The following ENOX1 variants were observed in gnomAD, a reference collection of about 807,000 sequenced individuals.
The protein encoded by ENOX1 is ecto-NOX disulfide-thiol exchanger 1.
In ENOX1, 42 loss-of-function variants were observed where a neutral mutation model predicts 82.5. The ratio of observed to expected loss-of-function variants is 0.51; its 90% confidence interval spans 0.40 to 0.66. The LOEUF is 0.66. ENOX1 is among the 30% of genes least tolerant of loss of function. ENOX1 has a pLI of 0.00. For missense variants in ENOX1, 608 were observed against 811.6 expected (o/e 0.75, Z 3.05); for synonymous variants, 271 against 282.2 (o/e 0.96, Z 0.40).
intron 2 of ENOX1, among the ~76,000 whole-genome samples, chr13:43,620,319 T>G (rs756106865): frequency 6.6e-6 from 1 of 152,122 alleles, no homozygotes; most frequent in Non-Finnish European, 1.5e-5. Flanking sequence ...GTTTCTCTAG[T>G]TCCTTAAAGT....
intron 2 of ENOX1, among the ~76,000 whole-genome samples, chr13:43,581,322 C>T (rs372863865): frequency 6.6e-6 from 1 of 150,728 alleles, no homozygotes; most frequent in Non-Finnish European, 1.5e-5. Flanking sequence ...TTAGTAGAGA[C>T]GGGGTTTCAC....
At chr13:43,743,206 A>C (rs1470802012) in intron 1 of ENOX1, among the ~76,000 whole-genome samples, 1 of 152,192 alleles carries the variant, frequency 6.6e-6, no homozygotes, top group African/African-American at 2.4e-5. Flanking sequence ...TCACAGAAGG[A>C]GACCTTGATA....
intron 2 of ENOX1, among the ~76,000 whole-genome samples, chr13:43,623,153 C>T (rs961235048): frequency 2.6e-5 from 4 of 152,100 alleles, no homozygotes; most frequent in Non-Finnish European, 4.4e-5. Context: ...GAGAGCAATA[C>T]GAGTCTGAAA....
chr13:43,216,928 A>C (rs2041519331), intron 16 of ENOX1, among the ~76,000 whole-genome samples: 1 of 152,248 alleles, frequency 6.6e-6, no homozygotes, highest in Non-Finnish European at 1.5e-5. Flanking sequence ...TACAATCACC[A>C]GGAAACTTTT....
intron 11 of ENOX1, chr13:43,321,194 G>A: frequency 2.2e-6 from 1 of 455,402 alleles, no homozygotes; most frequent in Non-Finnish European, 4.4e-6. Context: ...TTCCTATAGG[G>A]CTTAAATCAC....
At chr13:43,367,538 G>A (rs886975502) in intron 5 of ENOX1, among the ~76,000 whole-genome samples, 4 of 152,068 alleles carry the variant, frequency 2.6e-5, no homozygotes, top group East Asian at 1.9e-4. Flanking sequence ...CAGGATAGCC[G>A]GCAAACACCA....
In ENOX1 at chr13:43,785,406, G is replaced by A. The variant is rs1414435587; in HGVS notation, c.-285+1246C>T. On this transcript the variant is annotated intron_variant, in intron 1 of 16. Transcript: ENST00000690772. The stretch of plus-strand genomic sequence containing the variant: ...TCAGATCCCTTAAGCACGCTTCATT[G>A]CTTTCTCCAAACTACCAGACTCAAA... Among the ~76,000 whole-genome samples, 7 of 152,088 alleles carry A rather than the reference G, an allele frequency of 4.6e-5. No individual in the cohort carries two copies. The East Asian group carries it at 1.3e-3, about 29-fold the overall frequency.
At chr13:43,688,093 C>A (rs116933617) in intron 1 of ENOX1, among the ~76,000 whole-genome samples, 2 of 152,000 alleles carry the variant, frequency 1.3e-5, no homozygotes, top group Admixed American at 6.6e-5. Context: ...CAATGGGAAG[C>A]CTTTGGAGGA....
chr13:43,233,681 C>A (rs528987285), intron 15 of ENOX1, among the ~76,000 whole-genome samples: 1 of 152,216 alleles, frequency 6.6e-6, no homozygotes, highest in South Asian at 2.1e-4. Context: ...TGCCAGTGTG[C>A]GTTTCTTATA....
At chr13:43,704,483 C>A (rs1316472531) in intron 1 of ENOX1, among the ~76,000 whole-genome samples, 1 of 152,040 alleles carries the variant, frequency 6.6e-6, no homozygotes, top group African/African-American at 2.4e-5. Flanking sequence ...AAACAACACA[C>A]TGGGTAAGAT....
chr13:43,786,740 C>T lies in ENOX1; in HGVS notation c.-373G>A, dbSNP rs913895944. ...CGGCTCCTCCTAGCCTCGGCGTCCT[C>T]CTCCTCCTTTGCTTCTCCCGGACTC... On this transcript the variant is annotated 5_prime_UTR_variant, in exon 1 of 17. Transcript: ENST00000690772. The surrounding 1 kb of genome is among the most constrained non-coding windows in gnomAD (Gnocchi z 6.0). The T allele has an allele frequency of 6.6e-6, 1 of 152,174 alleles. No homozygotes were observed. The highest frequency in any genetic ancestry group is 1.5e-5 in the Non-Finnish European group (1 of 68,076). The allele number at this position is 152,174 out of a possible 1,614,324, so 9.4% of individuals were successfully genotyped here. A position where few individuals can be genotyped will look rare whatever the true frequency, so the allele number is the denominator to read the frequency against.
At chr13:43,688,448 T>C (rs767563695) in intron 1 of ENOX1, among the ~76,000 whole-genome samples, 7 of 152,146 alleles carry the variant, frequency 4.6e-5, no homozygotes, top group Non-Finnish European at 8.8e-5. Flanking sequence ...GCAAAATTTA[T>C]CTGCAAAGGA....
At chr13:43,344,464 A>G in intron 9 of ENOX1, 74 bp downstream of exon 9, 1 of 1,271,514 alleles carries the variant, frequency 7.9e-7, no homozygotes, top group Non-Finnish European at 1.1e-6. Flanking sequence ...TTACCCCCAA[A>G]TGAAAAAGTA....
chr13:43,742,699 TG>T (rs1206957725), intron 1 of ENOX1, among the ~76,000 whole-genome samples: 1 of 152,102 alleles, frequency 6.6e-6, no homozygotes, highest in Non-Finnish European at 1.5e-5. Flanking sequence ...TAAGAGATAA[TG>T]GTGGCTCAAC....
At chr13:43,770,860 C>T (rs1349829238) in intron 1 of ENOX1, among the ~76,000 whole-genome samples, 8 of 151,872 alleles carry the variant, frequency 5.3e-5, no homozygotes, top group Non-Finnish European at 1.2e-4. Flanking sequence ...GAAAAATAAG[C>T]TTCTAAAAAC....
intron 1 of ENOX1, among the ~76,000 whole-genome samples, chr13:43,674,508 A>T (rs2085412552): frequency 6.6e-6 from 1 of 152,160 alleles, no homozygotes; most frequent in Non-Finnish European, 1.5e-5. Context: ...TACCATTCCA[A>T]CTACATGACA....
intron 1 of ENOX1, among the ~76,000 whole-genome samples, chr13:43,715,845 G>T (rs995371198): frequency 6.6e-6 from 1 of 152,114 alleles, no homozygotes; most frequent in Non-Finnish European, 1.5e-5. Context: ...TCTCTGCATT[G>T]GTTTTTCTAG....
At chr13:43,597,507 C>CA (rs35681008) in intron 2 of ENOX1, among the ~76,000 whole-genome samples, 1 of 152,194 alleles carries the variant, frequency 6.6e-6, no homozygotes, top group East Asian at 1.9e-4. Context: ...AGCTCTGGCA[C>CA]AAAATCAATC....
Position 43,417,858 on chromosome 13 carries a change from C to G in ENOX1, c.-74-4870G>C, listed in dbSNP as rs552308413. On this transcript the variant is annotated intron_variant, in intron 3 of 16. Transcript: ENST00000690772. ...TAAAAGTAAGTGTTGCCCTAGTTTTCTGTGCCACACCTCAGTTGGAGCACA... is the reference window on the plus strand; with the variant it reads ...TAAAAGTAAGTGTTGCCCTAGTTTTGTGTGCCACACCTCAGTTGGAGCACA... Among the ~76,000 whole-genome samples, 10 of 152,308 alleles carry G rather than the reference C, an allele frequency of 6.6e-5. No individual in the cohort carries two copies. In the East Asian group the frequency reaches 1.2e-3, roughly 18 times the overall value.
Sources: allele counts gnomAD v4.1 joint callset (sites outside exome capture counted in the v4.1 genomes callset), GRCh38; gene constraint gnomAD v4.1.1; non-coding constraint Gnocchi (gnomAD v3.1); transcripts MANE v1.5; gene names NCBI Gene and HGNC (gene_info 2026-07-23, HGNC 2026-07-21).